LRRC4C: variants seen among roughly 807,000 people sequenced by gnomAD.
LRRC4C encodes leucine rich repeat containing 4C.
In LRRC4C, 5 loss-of-function variants were observed where a neutral mutation model predicts 33.6. That is an observed-to-expected ratio of 0.15 (90% confidence interval 0.08 to 0.31). The LOEUF (loss-of-function observed/expected upper bound fraction) is 0.31. Among genes scored for constraint, LRRC4C ranks in the 10% least tolerant of loss-of-function variants. The probability of loss-of-function intolerance (pLI) is 1.00; values close to 1 mark genes in which losing one functional copy is unlikely to be tolerated. For missense variants in LRRC4C, 560 were observed against 796.7 expected, an observed-to-expected ratio of 0.70 and a Z score of 3.58; for synonymous variants, 329 against 302.0, an observed-to-expected ratio of 1.09 and a Z score of -0.93.
chr11:41,232,294 G>T (rs1160416577), intron 1 of LRRC4C, among the ~76,000 whole-genome samples: 1 of 151,944 alleles, frequency 6.6e-6, no homozygotes, highest in African/African-American at 2.4e-5. Context: ...TCTCAACTTC[G>T]GTGACTTTGA....
chr11:40,318,673 C>T (rs1945695411), intron 4 of LRRC4C, among the ~76,000 whole-genome samples: 1 of 152,112 alleles, frequency 6.6e-6, no homozygotes, highest in Non-Finnish European at 1.5e-5. Flanking sequence ...GAGACAAGTC[C>T]ACTGAGGAGT....
At chr11:40,509,446 T>C (rs1187983091) in intron 3 of LRRC4C, among the ~76,000 whole-genome samples, 2 of 152,174 alleles carry the variant, frequency 1.3e-5, no homozygotes, top group African/African-American at 2.4e-5. Context: ...ATGTAAATGA[T>C]AGTAAAGCCC....
chr11:41,295,456 G>A (rs1465864280), intron 1 of LRRC4C, among the ~76,000 whole-genome samples: 1 of 152,164 alleles, frequency 6.6e-6, no homozygotes, highest in Non-Finnish European at 1.5e-5. Context: ...TGGGATTACA[G>A]TTGTGTTAGT....
intron 2 of LRRC4C, among the ~76,000 whole-genome samples, chr11:40,817,173 G>T (rs954408237): frequency 1.3e-5 from 2 of 152,104 alleles, no homozygotes; most frequent in African/African-American, 2.4e-5. Flanking sequence ...CAGTGTGTCT[G>T]AACTTGGCAG....
intron 1 of LRRC4C, among the ~76,000 whole-genome samples, chr11:41,407,103 G>T (rs1215734236): frequency 6.6e-6 from 1 of 151,918 alleles, no homozygotes; most frequent in Non-Finnish European, 1.5e-5. Flanking sequence ...TATGTGAATG[G>T]GTCTCTGAAT....
chr11:41,280,086 T>G (rs376109398), intron 1 of LRRC4C, among the ~76,000 whole-genome samples: 23 of 152,190 alleles, frequency 1.5e-4, no homozygotes, highest in Admixed American at 2.6e-4. Flanking sequence ...CCCATCAGAC[T>G]GTAAGCTCTG....
At chr11:41,410,832 TA>T (rs1472834023) in intron 1 of LRRC4C, among the ~76,000 whole-genome samples, 2 of 152,120 alleles carry the variant, frequency 1.3e-5, no homozygotes, top group African/African-American at 4.8e-5. Flanking sequence ...TCAAAATAAA[TA>T]AAGGATCCAG....
At chr11:40,405,793 G>T (rs930296787) in intron 3 of LRRC4C, among the ~76,000 whole-genome samples, 5 of 151,034 alleles carry the variant, frequency 3.3e-5, no homozygotes, top group African/African-American at 1.2e-4. Flanking sequence ...TTTTCCCACA[G>T]GTTGGAAGCA....
At chr11:40,196,447 A>G (rs1344561508) in intron 5 of LRRC4C, among the ~76,000 whole-genome samples, 1 of 152,238 alleles carries the variant, frequency 6.6e-6, no homozygotes, top group East Asian at 1.9e-4. Flanking sequence ...AAGTCTGCCC[A>G]TGACTTGATT....
At chr11:41,418,883 A>G (rs1445270470) in intron 1 of LRRC4C, among the ~76,000 whole-genome samples, 3 of 152,026 alleles carry the variant, frequency 2.0e-5, no homozygotes, top group Non-Finnish European at 4.4e-5. Context: ...TAAGGTGGAA[A>G]GTAGTGTATG....
Position 40,832,522 on chromosome 11 carries a change from A to G in LRRC4C, c.-407+101113T>C, listed in dbSNP as rs374530422. ...TTAATAAATCCCAAACTAGAATCTC[A>G]AAACACTAGATGGAATCAGAAGTGC... On this transcript the variant is annotated intron_variant, in intron 2 of 6. Transcript: ENST00000528697. Among the ~76,000 whole-genome samples the G allele has an allele frequency of 1.8e-4, 28 of 152,288 alleles. No individual in the cohort carries two copies. In the South Asian group the frequency reaches 5.2e-3, roughly 28 times the overall value.
intron 2 of LRRC4C, among the ~76,000 whole-genome samples, chr11:40,809,562 C>G (rs900054398): frequency 6.6e-6 from 1 of 151,984 alleles, no homozygotes. Context: ...AGTAGATATT[C>G]TACTCATTCA....
chr11:40,428,681 A>G (rs1008400486), intron 3 of LRRC4C, among the ~76,000 whole-genome samples: 1 of 152,202 alleles, frequency 6.6e-6, no homozygotes, highest in Non-Finnish European at 1.5e-5. Context: ...AAAGTCATAC[A>G]TGGAGTAAAT....
chr11:41,442,472 T>TTTTC (rs1955660011), intron 1 of LRRC4C, among the ~76,000 whole-genome samples: 1 of 38,994 alleles, frequency 2.6e-5, no homozygotes, highest in Non-Finnish European at 6.2e-5. Flanking sequence ...TTTTTTTTTT[T>TTTTC]TTTTTTTTTT....
At chr11:40,323,528 G>T (rs1417568760) in intron 3 of LRRC4C, among the ~76,000 whole-genome samples, 2 of 152,148 alleles carry the variant, frequency 1.3e-5, no homozygotes, top group African/African-American at 2.4e-5. Flanking sequence ...TGATGAAGGG[G>T]CCATATTGAC....
At chr11:40,950,280 A>G (rs1382403478) in intron 1 of LRRC4C, among the ~76,000 whole-genome samples, 1 of 152,018 alleles carries the variant, frequency 6.6e-6, no homozygotes, top group Non-Finnish European at 1.5e-5. Context: ...CTGAGCACCT[A>G]CCATGTTCTA....
At chr11:40,801,154 T>C (rs1251066535) in intron 2 of LRRC4C, among the ~76,000 whole-genome samples, 1 of 152,162 alleles carries the variant, frequency 6.6e-6, no homozygotes, top group Non-Finnish European at 1.5e-5. Context: ...ATACCTACAG[T>C]AAACTCACAT....
chr11:41,240,898 A>G (rs2136546774), intron 1 of LRRC4C, among the ~76,000 whole-genome samples: 1 of 152,282 alleles, frequency 6.6e-6, no homozygotes, highest in African/African-American at 2.4e-5. Flanking sequence ...TAGACTAGAA[A>G]CACAGCCAAC....
intron 2 of LRRC4C, among the ~76,000 whole-genome samples, chr11:40,900,403 C>G (rs1395899359): frequency 6.6e-6 from 1 of 152,048 alleles, no homozygotes; most frequent in Non-Finnish European, 1.5e-5. Context: ...AATGATTTCT[C>G]TCAGTGGCAA....
Sources: allele counts gnomAD v4.1 joint callset (sites outside exome capture counted in the v4.1 genomes callset), GRCh38; gene constraint gnomAD v4.1.1; transcripts MANE v1.5; gene names NCBI Gene and HGNC (gene_info 2026-07-23, HGNC 2026-07-21).